The following STXBP5L variants were observed in gnomAD, a reference collection of about 807,000 sequenced individuals.
The protein encoded by STXBP5L is syntaxin-binding protein 5-like.
Under a neutral mutation model 144.5 loss-of-function variants are expected in STXBP5L, and 65 were observed. That is an observed-to-expected ratio of 0.45 (90% CI 0.37 to 0.55). The LOEUF (loss-of-function observed/expected upper bound fraction) is 0.55. STXBP5L is among the 20% of genes least tolerant of loss of function. The probability of loss-of-function intolerance (pLI) is 0.00; values close to 1 mark genes in which losing one functional copy is unlikely to be tolerated. For missense variants in STXBP5L, 1,298 were observed against 1,405.5 expected, an observed-to-expected ratio of 0.92 and a Z score of 1.22; for synonymous variants, 505 against 469.6, an observed-to-expected ratio of 1.08 and a Z score of -0.97.
intron 19 of STXBP5L, among the ~76,000 whole-genome samples, chr3:121,316,805 C>G (rs988774434): frequency 3.3e-5 from 5 of 152,208 alleles, no homozygotes; most frequent in Non-Finnish European, 7.3e-5. Context: ...GGTCCCAGAT[C>G]TCTCACTCAC....
intron 3 of STXBP5L, among the ~76,000 whole-genome samples, chr3:120,958,589 T>G (rs1385996716): frequency 1.3e-4 from 20 of 152,226 alleles, no homozygotes; most frequent in African/African-American, 3.1e-4. Flanking sequence ...GGGATGCAAG[T>G]CTGGTTCAAC....
At chr3:121,077,850 A>G (rs2042086388) in intron 5 of STXBP5L, among the ~76,000 whole-genome samples, 1 of 152,238 alleles carries the variant, frequency 6.6e-6, no homozygotes, top group East Asian at 1.9e-4. Context: ...ACAAACCCTG[A>G]GCTAGACACA....
chr3:121,409,072 C>G (rs1021692020), intron 23 of STXBP5L, among the ~76,000 whole-genome samples: 1 of 151,722 alleles, frequency 6.6e-6, no homozygotes, highest in Non-Finnish European at 1.5e-5. Flanking sequence ...AAGATTTGCA[C>G]TCTTAGAAAA....
At chr3:121,223,496 A>G (rs919859518) in intron 11 of STXBP5L, among the ~76,000 whole-genome samples, 1 of 152,176 alleles carries the variant, frequency 6.6e-6, no homozygotes, top group Non-Finnish European at 1.5e-5. Context: ...AGCTCCATCA[A>G]TTCCATCCCA....
intron 2 of STXBP5L, among the ~76,000 whole-genome samples, chr3:120,914,554 C>G (rs773965470): frequency 9.2e-5 from 14 of 151,976 alleles, no homozygotes; most frequent in Admixed American, 3.9e-4. Flanking sequence ...GATTAAATGC[C>G]CAGATATCCT....
At chr3:121,327,987 T>C (rs2044205150) in intron 20 of STXBP5L, among the ~76,000 whole-genome samples, 1 of 152,222 alleles carries the variant, frequency 6.6e-6, no homozygotes, top group Non-Finnish European at 1.5e-5. Flanking sequence ...AATGTGAGGA[T>C]GCACAATGTG....
At chr3:121,032,512 C>G (rs1018896192) in intron 3 of STXBP5L, among the ~76,000 whole-genome samples, 1 of 151,380 alleles carries the variant, frequency 6.6e-6, no homozygotes, top group Admixed American at 6.6e-5. Flanking sequence ...TAGGCACGGG[C>G]AAGGACTTCA....
At chr3:121,416,283 A>G (rs2047231033) in intron 25 of STXBP5L, among the ~76,000 whole-genome samples, 1 of 151,828 alleles carries the variant, frequency 6.6e-6, no homozygotes, top group Admixed American at 6.6e-5. Context: ...ATGTGAAGGT[A>G]TTCAAAAAAG....
At chr3:121,230,424 C>A (rs896818862) in intron 11 of STXBP5L, among the ~76,000 whole-genome samples, 5 of 150,266 alleles carry the variant, frequency 3.3e-5, no homozygotes, top group Admixed American at 6.6e-5. Context: ...ACAAATACAA[C>A]CAGACTTGTA....
chr3:121,183,542 C>A (rs1032533426), intron 9 of STXBP5L, among the ~76,000 whole-genome samples: 17 of 147,316 alleles, frequency 1.2e-4, no homozygotes, highest in African/African-American at 4.0e-4. Context: ...GCCCCTTTTA[C>A]AACAGCAAGC....
rs564782877 is a variant in STXBP5L at position 121,090,746 on chromosome 3, G to A, written c.471-24179G>A. ...GCTTTACTTCATGGGGACACAATTAGTGCCTCAGATGGTATGAATTTTTTT... is the reference window on the plus strand; with the variant it reads ...GCTTTACTTCATGGGGACACAATTAATGCCTCAGATGGTATGAATTTTTTT... On this transcript the variant is annotated intron_variant, in intron 5 of 26. Coordinates refer to ENST00000471454, the MANE Select transcript of STXBP5L (RefSeq NM_001308330.2). 1.2e-3 allele frequency among the ~76,000 whole-genome samples: 185 copies of A among 151,446 alleles called. 1 individual carries two copies. The highest frequency in any genetic ancestry group is 2.3e-3 in the Non-Finnish European group (158 of 67,576).
intron 3 of STXBP5L, among the ~76,000 whole-genome samples, chr3:120,973,219 A>G (rs1940487882): frequency 6.6e-6 from 1 of 151,988 alleles, no homozygotes; most frequent in Non-Finnish European, 1.5e-5. Context: ...TTTTCGTAGG[A>G]GATTCTTAAA....
intron 3 of STXBP5L, among the ~76,000 whole-genome samples, chr3:120,974,045 G>C (rs963098319): frequency 3.3e-5 from 5 of 152,068 alleles, no homozygotes; most frequent in Non-Finnish European, 7.4e-5. Flanking sequence ...ATAGTCCTTT[G>C]GGTATATACC....
At position 121,121,307 on chromosome 3, in the gene STXBP5L, G is replaced by T. The variant is rs1253021334; in HGVS notation, c.606-334G>T. 4.0e-5 allele frequency among the ~76,000 whole-genome samples: 6 copies of T among 151,244 alleles called. No homozygotes were observed. In the East Asian group the frequency reaches 1.2e-3, roughly 29 times the overall value. On this transcript the variant is annotated intron_variant, in intron 6 of 26. Transcript: ENST00000471454. ...ACACCATTACCTTTGTAGCTGTAGT[G>T]TTCTTTTATCTATGTAAATAAAAAT...
chr3:121,249,250 C>T (rs1362075956), intron 14 of STXBP5L, among the ~76,000 whole-genome samples: 2 of 151,870 alleles, frequency 1.3e-5, no homozygotes, highest in African/African-American at 4.8e-5. Flanking sequence ...TTGTTTATTT[C>T]TACAAAAAAT....
chr3:121,180,936 A>C (rs993181839), intron 9 of STXBP5L, among the ~76,000 whole-genome samples: 10 of 151,392 alleles, frequency 6.6e-5, no homozygotes, highest in African/African-American at 2.4e-4. Context: ...GAAAGAGAAA[A>C]GAAGAGAAGA....
At chr3:120,929,350 T>C (rs1709802430) in intron 2 of STXBP5L, among the ~76,000 whole-genome samples, 1 of 152,188 alleles carries the variant, frequency 6.6e-6, no homozygotes, top group Admixed American at 6.5e-5. Context: ...AGTAATTGTA[T>C]ATTATATTGT....
chr3:121,110,918 ATTCATTCCTT>A (rs1355002048), intron 5 of STXBP5L, among the ~76,000 whole-genome samples: 3 of 151,956 alleles, frequency 2.0e-5, no homozygotes, highest in Non-Finnish European at 4.4e-5. Flanking sequence ...TGGAGGTTTT[ATTCATTCCTT>A]TTCATTCCTT....
intron 3 of STXBP5L, among the ~76,000 whole-genome samples, chr3:121,035,945 T>A (rs1404914804): frequency 6.6e-6 from 1 of 152,180 alleles, no homozygotes; most frequent in Non-Finnish European, 1.5e-5. Flanking sequence ...ACATCTTTTG[T>A]TAAACTTATT....
Sources: gnomAD v4.1 joint callset for allele counts (sites outside exome capture counted in the v4.1 genomes callset) on GRCh38, gnomAD v4.1.1 for gene constraint, MANE v1.5 for transcripts, NCBI Gene and HGNC (gene_info 2026-07-23, HGNC 2026-07-21) for gene names.